Variants in NPAS2 observed in about 807,000 individuals in gnomAD.
NPAS2 encodes neuronal PAS domain protein 2.
In NPAS2, 23 loss-of-function variants were observed where a neutral mutation model predicts 107.5. That is an observed-to-expected ratio of 0.21 (90% CI 0.15 to 0.30). The LOEUF (loss-of-function observed/expected upper bound fraction) is 0.30, where lower values mean the gene tolerates loss of function less well. Among genes scored for constraint, NPAS2 ranks in the 10% least tolerant of loss-of-function variants. NPAS2 has a pLI of 1.00. For synonymous variants in NPAS2, 403 were observed against 417.5 expected (o/e 0.97, Z 0.42); for missense variants, 756 against 1,043.3 (o/e 0.72, Z 3.79).
chr2:100,923,384 T>C (rs187048199), intron 2 of NPAS2, among the ~76,000 whole-genome samples: 99 of 152,206 alleles, frequency 6.5e-4, no homozygotes, highest in African/African-American at 2.2e-3. Context: ...GTTGTGAACA[T>C]GTGTGTTGAA....
At chr2:100,831,842 C>G (rs1036614834) in intron 1 of NPAS2, among the ~76,000 whole-genome samples, 4 of 152,146 alleles carry the variant, frequency 2.6e-5, no homozygotes, top group Admixed American at 6.5e-5. Context: ...TCAAGGTGGC[C>G]TTGATGAAAA....
At chr2:100,953,430 C>G (rs564549589) in intron 7 of NPAS2, among the ~76,000 whole-genome samples, 2 of 150,918 alleles carry the variant, frequency 1.3e-5, no homozygotes, top group Admixed American at 6.6e-5. Context: ...ATTTAACCAC[C>G]GTGACCTATG....
chr2:100,876,913 T>C (rs769401926), intron 1 of NPAS2, among the ~76,000 whole-genome samples: 2 of 152,158 alleles, frequency 1.3e-5, no homozygotes, highest in Non-Finnish European at 2.9e-5. Context: ...CACCAGGAGA[T>C]GCAGGTGACT....
At chr2:100,981,239 G>A (rs1256077663) in intron 15 of NPAS2, among the ~76,000 whole-genome samples, 2 of 152,276 alleles carry the variant, frequency 1.3e-5, no homozygotes, top group East Asian at 1.9e-4. Context: ...AAAAGACAGC[G>A]GGCAGGAAAC....
At chr2:100,995,154 T>C (rs1678372957) in intron 20 of NPAS2, 4 of 460,956 alleles carry the variant, frequency 8.7e-6, no homozygotes, top group African/African-American at 3.9e-5. Context: ...CCTCAGTCGA[T>C]TGGGCCAGAA....
intron 5 of NPAS2, among the ~76,000 whole-genome samples, chr2:100,939,270 AG>A (rs901632104): frequency 5.9e-5 from 9 of 152,230 alleles, no homozygotes; most frequent in African/African-American, 2.2e-4. Flanking sequence ...TATGTTGCTA[AG>A]CAGATGCCTT....
intron 5 of NPAS2, among the ~76,000 whole-genome samples, chr2:100,943,283 G>T (rs534523553): frequency 6.6e-6 from 1 of 152,178 alleles, no homozygotes; most frequent in African/African-American, 2.4e-5. Flanking sequence ...CTTTTCTCTC[G>T]ATTACCAATG....
At chr2:100,967,865 T>C (rs1676320594) in intron 10 of NPAS2, among the ~76,000 whole-genome samples, 1 of 152,220 alleles carries the variant, frequency 6.6e-6, no homozygotes, top group South Asian at 2.1e-4. Context: ...ACAGAATCCG[T>C]CCAGAGGTTG....
chr2:100,951,275 C>T (rs1675207038), intron 7 of NPAS2, among the ~76,000 whole-genome samples: 1 of 152,174 alleles, frequency 6.6e-6, no homozygotes, highest in Admixed American at 6.5e-5. Flanking sequence ...TACGTGTGCA[C>T]TGGTTCCTCA....
chr2:100,959,262 C>G (rs954959005), intron 7 of NPAS2, among the ~76,000 whole-genome samples: 1 of 135,118 alleles, frequency 7.4e-6, no homozygotes, highest in Non-Finnish European at 1.6e-5. Context: ...GAAGGAGACC[C>G]TGTCTCAAAA....
At chr2:100,821,011 G>A (rs1162607927) in intron 1 of NPAS2, 1 of 1,286,942 alleles carries the variant, frequency 7.8e-7, no homozygotes, top group African/African-American at 1.5e-5. Flanking sequence ...CCCAACTCCG[G>A]AGCTCCCCAG....
chr2:100,895,548 A>C (rs1005554759), intron 1 of NPAS2, among the ~76,000 whole-genome samples: 1 of 152,200 alleles, frequency 6.6e-6, no homozygotes, highest in Non-Finnish European at 1.5e-5. Flanking sequence ...AGTGTGCCCC[A>C]GTAGCTCTGC....
chr2:100,851,737 C>T (rs1471110818), intron 1 of NPAS2, among the ~76,000 whole-genome samples: 1 of 152,156 alleles, frequency 6.6e-6, no homozygotes, highest in African/African-American at 2.4e-5. Context: ...GCAAAATGGT[C>T]CCATGCCCAG....
At chr2:100,872,983 T>C (rs1187854357) in intron 1 of NPAS2, among the ~76,000 whole-genome samples, 1 of 151,906 alleles carries the variant, frequency 6.6e-6, no homozygotes, top group South Asian at 2.1e-4. Context: ...GTTCAATGAA[T>C]GAATAAATGA....
intron 11 of NPAS2, among the ~76,000 whole-genome samples, chr2:100,970,127 C>T (rs982896621): frequency 2.0e-5 from 3 of 152,224 alleles, no homozygotes; most frequent in African/African-American, 7.2e-5. Context: ...CAGCCTGCCA[C>T]TGGGCGTGCA....
intron 7 of NPAS2, among the ~76,000 whole-genome samples, chr2:100,957,047 C>T (rs1403622677): frequency 6.6e-6 from 1 of 152,194 alleles, no homozygotes; most frequent in Non-Finnish European, 1.5e-5. Flanking sequence ...GGAATTTTCC[C>T]CTACTTCAAT....
Position 100,971,039 on chromosome 2 carries a change from C to T in NPAS2, c.1105C>T (p.Pro369Ser), listed in dbSNP as rs1351255292. 1 of 1,614,140 alleles carries T rather than the reference C, an allele frequency of 6.2e-7. No homozygotes were observed. Among genetic ancestry groups the T allele is most frequent in the East Asian group, 2.2e-5 (1 of 44,868 alleles). The change falls in exon 12 of 21, where the codon CCG becomes TCG. Residue 369 changes from proline to serine, a missense_variant. Around this residue, in one of 4 missense-constraint regions of NPAS2, gnomAD observed 496 missense variants for 594.4 expected, o/e 0.83. Transcript: ENST00000335681. Reference protein sequence around the residue: ...ERRQELALEDPPSEALHSSAL... With the variant: ...ERRQELALEDSPSEALHSSAL... ...GAGGCAGGAGCTGGCTCTGGAAGACCCGCCATCCGAGGCCCTCCACTCCTC... is the reference window on the plus strand; with the variant it reads ...GAGGCAGGAGCTGGCTCTGGAAGACTCGCCATCCGAGGCCCTCCACTCCTC...
chr2:100,835,769 A>G (rs747526222), intron 1 of NPAS2, among the ~76,000 whole-genome samples: 2 of 152,118 alleles, frequency 1.3e-5, no homozygotes, highest in African/African-American at 4.8e-5. Context: ...CCTGGGTCTC[A>G]TCATCCCGGG....
At chr2:100,970,962 C>G in intron 11 of NPAS2, 28 bp from the exon 12 acceptor site, 1 of 1,605,778 alleles carries the variant, frequency 6.2e-7, no homozygotes, top group Non-Finnish European at 8.5e-7. Context: ...GCCCCATCTC[C>G]ACTGTGGTCT....
Sources: gnomAD v4.1 joint callset for allele counts (sites outside exome capture counted in the v4.1 genomes callset) on GRCh38, gnomAD v4.1.1 for gene constraint, gnomAD v4.1.1 regional missense constraint, MANE v1.5 for transcripts, NCBI Gene and HGNC (gene_info 2026-07-23, HGNC 2026-07-21) for gene names.